ST8SIA5: variants seen among roughly 807,000 people sequenced by gnomAD.
ST8SIA5 encodes ST8 alpha-N-acetyl-neuraminide alpha-2,8-sialyltransferase 5, also known as alpha-2,8-sialyltransferase 8E.
In ST8SIA5, 24 loss-of-function variants were observed where a neutral mutation model predicts 40.2. That is an observed-to-expected ratio of 0.60 (90% confidence interval 0.43 to 0.84). ST8SIA5 has a LOEUF of 0.84. Among genes scored for constraint, ST8SIA5 ranks in the 40% least tolerant of loss-of-function variants. The pLI, the probability that ST8SIA5 is intolerant of heterozygous loss-of-function variation, is 0.00. For synonymous variants in ST8SIA5, 198 were observed against 201.8 expected (o/e 0.98, Z 0.16); for missense variants, 465 against 498.5 (o/e 0.93, Z 0.64).
At position 46,676,783 on chromosome 18, in the gene ST8SIA5, G is replaced by C. The variant is rs1208185730; in HGVS notation, c.*3259C>G. On this transcript the variant is annotated 3_prime_UTR_variant, in exon 7 of 7. Coordinates refer to ENST00000315087, the MANE Select transcript of ST8SIA5 (RefSeq NM_013305.6). The stretch of plus-strand genomic sequence containing the variant: ...AATAATTCAATGGGTAGTCTGCACT[G>C]CATGGTGGCGTGGTGACAGGGCTGT... 1 of 152,278 alleles carries C rather than the reference G, an allele frequency of 6.6e-6. No individual in the cohort carries two copies. Among genetic ancestry groups the C allele is most frequent in the Non-Finnish European group, 1.5e-5 (1 of 68,064 alleles). 9.4% of individuals were successfully genotyped at this position (152,278 alleles called of 1,614,324 possible). A position where few individuals can be genotyped will look rare whatever the true frequency, so the allele number is the denominator to read the frequency against.
At chr18:46,704,426 C>A in intron 2 of ST8SIA5, 146 bp downstream of exon 2, 1 of 705,336 alleles carries the variant, frequency 1.4e-6, no homozygotes, top group South Asian at 1.8e-5. Flanking sequence ...ATGCCAGTGG[C>A]TCTGGGGAAG....
chr18:46,674,709 T>C lies in ST8SIA5; in HGVS notation c.*5333A>G, dbSNP rs1011409861. The C allele has an allele frequency of 2.6e-5, 4 of 152,342 alleles. No individual in the cohort carries two copies. Among genetic ancestry groups the C allele is most frequent in the Admixed American group, 2.6e-4 (4 of 15,282 alleles). 9.4% of individuals were successfully genotyped at this position (152,342 alleles called of 1,614,324 possible). A position where few individuals can be genotyped will look rare whatever the true frequency, so the allele number is the denominator to read the frequency against. On this transcript the variant is annotated 3_prime_UTR_variant, in exon 7 of 7. Transcript: ENST00000315087. ...GCTGTGTGCTGTGAGGATGTCCTAATGGAGTCGGTGATGGTTGCAGCAGAA... is the reference window on the plus strand; with the variant it reads ...GCTGTGTGCTGTGAGGATGTCCTAACGGAGTCGGTGATGGTTGCAGCAGAA...
intron 4 of ST8SIA5, among the ~76,000 whole-genome samples, chr18:46,688,304 A>G (rs2039468288): frequency 6.6e-6 from 1 of 152,238 alleles, no homozygotes; most frequent in African/African-American, 2.4e-5. Context: ...CCAGTGTTAC[A>G]AATAAGGAGA....
intron 2 of ST8SIA5, among the ~76,000 whole-genome samples, chr18:46,699,293 C>T (rs564900305): frequency 6.6e-5 from 10 of 152,112 alleles, no homozygotes; most frequent in Non-Finnish European, 1.5e-4. Context: ...ATATTAATAC[C>T]CCTCAATTGT....
intron 1 of ST8SIA5, among the ~76,000 whole-genome samples, chr18:46,710,363 TTTTCTTTC>T (rs71162817): frequency 0.15 from 17,084 of 114,190 alleles, 1,193 homozygotes; most frequent in Admixed American, 0.18. Context: ...TCCTTCTTTC[TTTTCTTTC>T]TTTCTTTCTT....
chr18:46,755,617 G>C (rs1238344080), intron 1 of ST8SIA5, among the ~76,000 whole-genome samples: 1 of 152,144 alleles, frequency 6.6e-6, no homozygotes, highest in Non-Finnish European at 1.5e-5. Flanking sequence ...GAGAGGCTGA[G>C]GCTGTGCCCG....
intron 1 of ST8SIA5, among the ~76,000 whole-genome samples, chr18:46,725,043 G>GGAAA (rs974685183): frequency 7.1e-6 from 1 of 141,136 alleles, no homozygotes; most frequent in African/African-American, 2.8e-5. Context: ...AAGGAAGGAA[G>GGAAA]GAAGGAAAAG....
chr18:46,711,750 G>A (rs980896799), intron 1 of ST8SIA5, among the ~76,000 whole-genome samples: 1 of 151,536 alleles, frequency 6.6e-6, no homozygotes, highest in African/African-American at 2.5e-5. Context: ...GTTAACAACT[G>A]CGGGTCACAG....
intron 4 of ST8SIA5, among the ~76,000 whole-genome samples, chr18:46,688,044 T>C (rs2039465438): frequency 6.6e-6 from 1 of 152,234 alleles, no homozygotes; most frequent in African/African-American, 2.4e-5. Context: ...ATCAGTGATC[T>C]GAACAGTTCA....
intron 1 of ST8SIA5, chr18:46,731,899 A>G (rs2039988017): frequency 6.6e-6 from 1 of 152,150 alleles, no homozygotes; most frequent in Non-Finnish European, 1.5e-5. Context: ...ATATTTCTAC[A>G]AAGTGCTTCA....
At chr18:46,738,251 C>CA (rs10645121) in intron 1 of ST8SIA5, among the ~76,000 whole-genome samples, 40,584 of 138,754 alleles carry the variant, frequency 0.29, 6,117 homozygotes, top group East Asian at 0.46. Flanking sequence ...ATAGAAATGT[C>CA]AAAAAAAAAA....
In ST8SIA5 at chr18:46,756,893, G is replaced by A; in HGVS notation, c.-385C>T. 4.6e-6 allele frequency: 1 copy of A among 218,582 alleles called. No individual in the cohort carries two copies. Among genetic ancestry groups the A allele is most frequent in the East Asian group, 1.5e-4 (1 of 6,732 alleles). 13.5% of individuals were successfully genotyped at this position (218,582 alleles called of 1,614,324 possible). A position where few individuals can be genotyped will look rare whatever the true frequency, so the allele number is the denominator to read the frequency against. ...GGCGGCCAATGGGGAGCAAGACCCG[G>A]GCTCCGTCCCCTGTGCGCCCCAGCG... On this transcript the variant is annotated 5_prime_UTR_variant, in exon 1 of 7. Transcript: ENST00000315087.
At chr18:46,710,179 C>T (rs1286269381) in intron 1 of ST8SIA5, among the ~76,000 whole-genome samples, 3 of 152,156 alleles carry the variant, frequency 2.0e-5, no homozygotes, top group African/African-American at 7.2e-5. Flanking sequence ...ATGCTGGTGC[C>T]AGGCTGCATC....
intron 1 of ST8SIA5, among the ~76,000 whole-genome samples, chr18:46,735,002 G>T (rs1451274692): frequency 3.3e-5 from 5 of 152,218 alleles, no homozygotes; most frequent in Non-Finnish European, 7.3e-5. Flanking sequence ...CACCCTTAAT[G>T]TGGGTAGGCA....
At chr18:46,712,762 T>G (rs1318485493) in intron 1 of ST8SIA5, among the ~76,000 whole-genome samples, 1 of 152,116 alleles carries the variant, frequency 6.6e-6, no homozygotes, top group Non-Finnish European at 1.5e-5. Context: ...CCCACTCTCA[T>G]GGCACTTCCA....
chr18:46,754,086 G>GATATAT (rs1259216442), intron 1 of ST8SIA5, among the ~76,000 whole-genome samples: 9 of 152,118 alleles, frequency 5.9e-5, no homozygotes, highest in Non-Finnish European at 1.2e-4. Flanking sequence ...TTACAATCAT[G>GATATAT]ATATATGGAG....
rs2039312670 is a variant in ST8SIA5 at position 46,672,180 on chromosome 18, GGGGTCGCAC to G, written c.*7853_*7861del. 1 of 152,214 alleles carries G rather than the reference GGGGTCGCAC, an allele frequency of 6.6e-6. No individual in the cohort carries two copies. Among genetic ancestry groups the G allele is most frequent in the South Asian group, 2.1e-4 (1 of 4,836 alleles). The allele number at this position is 152,214 out of a possible 1,614,324, so 9.4% of individuals were successfully genotyped here. On this transcript the variant is annotated 3_prime_UTR_variant, in exon 7 of 7. Coordinates refer to ENST00000315087, the MANE Select transcript of ST8SIA5 (RefSeq NM_013305.6). ...CACCTGACTCAGAATGTCAAGGGGT[GGGGTCGCAC>G]GAGTATTTCTTAAAGCTCTTCAGAC...
At position 46,679,289 on chromosome 18, in the gene ST8SIA5, G is replaced by T. The variant is rs559804061; in HGVS notation, c.*753C>A. The T allele has an allele frequency of 6.6e-6, 1 of 152,302 alleles. No individual in the cohort carries two copies. Among genetic ancestry groups the T allele is most frequent in the South Asian group, 2.1e-4 (1 of 4,824 alleles). The allele number at this position is 152,302 out of a possible 1,614,324, so 9.4% of individuals were successfully genotyped here. Reference sequence around the variant, plus strand: ...TTTCCTTCTCATCAAAAGAGCTAACGCAGGATTGAACCTGGGGGCACCAAG... The same window carrying T: ...TTTCCTTCTCATCAAAAGAGCTAACTCAGGATTGAACCTGGGGGCACCAAG... On this transcript the variant is annotated 3_prime_UTR_variant, in exon 7 of 7. Coordinates refer to ENST00000315087, the MANE Select transcript of ST8SIA5 (RefSeq NM_013305.6).
At chr18:46,739,973 T>C (rs1161105714) in intron 1 of ST8SIA5, among the ~76,000 whole-genome samples, 1 of 152,204 alleles carries the variant, frequency 6.6e-6, no homozygotes, top group Non-Finnish European at 1.5e-5. Context: ...TCTGGAACTG[T>C]ATTGCAGCTC....
Sources: allele counts gnomAD v4.1 joint callset (sites outside exome capture counted in the v4.1 genomes callset), GRCh38; gene constraint gnomAD v4.1.1; transcripts MANE v1.5; gene names NCBI Gene and HGNC (gene_info 2026-07-23, HGNC 2026-07-21).